The following LRRC2 variants were observed in gnomAD, a reference collection of about 807,000 sequenced individuals.
LRRC2 encodes leucine rich repeat containing 2.
In LRRC2, 27 loss-of-function variants were observed where a neutral mutation model predicts 40.2. That is an observed-to-expected ratio of 0.67 (90% CI 0.49 to 0.93). LRRC2 has a LOEUF of 0.93. Ranked by LOEUF, LRRC2 falls within the 40% of genes least tolerant of loss-of-function variation. The probability of loss-of-function intolerance (pLI) is 0.00; values close to 1 mark genes in which losing one functional copy is unlikely to be tolerated. For synonymous variants in LRRC2, 147 were observed against 158.9 expected (o/e 0.92, Z 0.56); for missense variants, 402 against 439.6 (o/e 0.91, Z 0.76).
In LRRC2 at chr3:46,529,961, C is replaced by T. The variant is rs771012336; in HGVS notation, c.717G>A (p.Leu239=). 8 of 1,614,150 alleles carry T rather than the reference C, an allele frequency of 5.0e-6. No individual in the cohort carries two copies. In the Admixed American group the frequency reaches 1.2e-4, roughly 24 times the overall value. The change falls in exon 6 of 9, where the codon TTG becomes TTA. Residue 239 remains leucine, a synonymous_variant. Coordinates refer to ENST00000395905, the MANE Select transcript of LRRC2 (RefSeq NM_024512.5). ...TATTGCTGCTGATATCCAACCACTG[C>T]AAATTCGACATCCGCAGGACACAGA... The part of the protein sequence containing the change: ...VPICVLRMSN[L]QWLDISSNNL...
intron 4 of LRRC2, among the ~76,000 whole-genome samples, chr3:46,536,372 T>A (rs1445296578): frequency 6.6e-6 from 1 of 152,236 alleles, no homozygotes; most frequent in Non-Finnish European, 1.5e-5. Context: ...AACAACTATG[T>A]ACCCAATATG....
In LRRC2 at chr3:46,527,391, C is replaced by G. The variant is rs774159024; in HGVS notation, c.929+35G>C. 5.0e-6 allele frequency: 8 copies of G among 1,612,020 alleles called. No individual in the cohort carries two copies. The East Asian group carries it at 1.8e-4, about 36-fold the overall frequency. ...GGTACTTCTCACTCCTTACCTGTGT[C>G]TGAGTGTGTCTACTGGGATTTCCGG... On this transcript the variant is annotated intron_variant, in intron 7 of 8. Coordinates refer to ENST00000395905, the MANE Select transcript of LRRC2 (RefSeq NM_024512.5).
At chr3:46,551,636 C>T (rs1337076241) in intron 1 of LRRC2, 26 bp from the exon 2 acceptor site, 9 of 1,532,616 alleles carry the variant, frequency 5.9e-6, no homozygotes, top group Non-Finnish European at 8.0e-6. Flanking sequence ...ATAGATATGT[C>T]AGCTTGATAC....
intron 1 of LRRC2, among the ~76,000 whole-genome samples, chr3:46,556,231 C>A (rs1704790299): frequency 6.6e-6 from 1 of 151,968 alleles, no homozygotes; most frequent in Non-Finnish European, 1.5e-5. Flanking sequence ...ACAATCCTCC[C>A]ATCTCAGCCT....
At chr3:46,532,422 T>A (rs572961349) in intron 5 of LRRC2, among the ~76,000 whole-genome samples, 101 of 152,274 alleles carry the variant, frequency 6.6e-4, no homozygotes, top group African/African-American at 2.4e-3. Flanking sequence ...CTGGCCAACA[T>A]AGTGAAACCC....
intron 1 of LRRC2, chr3:46,559,529 G>A (rs1233683200): frequency 1.3e-5 from 2 of 152,210 alleles, no homozygotes; most frequent in African/African-American, 4.8e-5. Context: ...GTTAGCCCTT[G>A]GCTAGTAGCC....
At chr3:46,561,841 G>T (rs1704951281) in intron 1 of LRRC2, among the ~76,000 whole-genome samples, 2 of 152,152 alleles carry the variant, frequency 1.3e-5, no homozygotes, top group South Asian at 4.1e-4. Flanking sequence ...TGAGAGCAGT[G>T]GGGGAGTAGA....
chr3:46,542,519 A>T (rs927552858), intron 3 of LRRC2, among the ~76,000 whole-genome samples: 1 of 142,022 alleles, frequency 7.0e-6, no homozygotes, highest in Non-Finnish European at 1.6e-5. Flanking sequence ...AAAGAAAAAA[A>T]AAGAAGAAAA....
chr3:46,544,968 A>T, intron 3 of LRRC2, 78 bp downstream of exon 3: 2 of 1,345,582 alleles, frequency 1.5e-6, no homozygotes, highest in South Asian at 2.4e-5. Flanking sequence ...AAAAGCATTC[A>T]TTCATTCATC....
At position 46,543,259 on chromosome 3, in the gene LRRC2, G is replaced by T. The variant is rs189069097; in HGVS notation, c.333+1787C>A. Among the ~76,000 whole-genome samples, 9 of 152,200 alleles carry T rather than the reference G, an allele frequency of 5.9e-5. No homozygotes were observed. In the East Asian group the frequency reaches 1.7e-3, roughly 29 times the overall value. Reference sequence around the variant, plus strand: ...GCCATCCACCTGGTTCACAATGGAGGTCTCTCCCAGCCTGCTGAATTCTAA... The same window carrying T: ...GCCATCCACCTGGTTCACAATGGAGTTCTCTCCCAGCCTGCTGAATTCTAA... On this transcript the variant is annotated intron_variant, in intron 3 of 8. Transcript: ENST00000395905.
At chr3:46,533,702 TTTCCTTCCTTCCTTCC>T (rs372699647) in intron 4 of LRRC2, among the ~76,000 whole-genome samples, 4 of 89,388 alleles carry the variant, frequency 4.5e-5, no homozygotes, top group Admixed American at 1.1e-4. Flanking sequence ...GTATTCACAG[TTTCCTTCCTTCCTTCC>T]TTCCTTCCTT....
chr3:46,556,212 T>C (rs554458961), intron 1 of LRRC2, among the ~76,000 whole-genome samples: 8 of 151,934 alleles, frequency 5.3e-5, no homozygotes, highest in African/African-American at 1.7e-4. Context: ...CTCAACCTCC[T>C]AGGCTCAAAC....
At chr3:46,526,477 A>T (rs1203667790) in intron 7 of LRRC2, among the ~76,000 whole-genome samples, 4 of 152,192 alleles carry the variant, frequency 2.6e-5, no homozygotes, top group African/African-American at 9.7e-5. Flanking sequence ...TATTCCACAC[A>T]CAGCCAAGCA....
intron 1 of LRRC2, among the ~76,000 whole-genome samples, chr3:46,557,162 C>T (rs1370478190): frequency 6.6e-6 from 1 of 152,142 alleles, no homozygotes; most frequent in Non-Finnish European, 1.5e-5. Context: ...ATGCCCTGCC[C>T]CGCCTTAACT....
At chr3:46,529,776 G>T in intron 6 of LRRC2, 129 bp downstream of exon 6, 1 of 995,004 alleles carries the variant, frequency 1.0e-6, no homozygotes, top group Non-Finnish European at 1.5e-6. Context: ...CTGATTTCCT[G>T]GAAAGGAAAC....
intron 1 of LRRC2, among the ~76,000 whole-genome samples, 194 bp downstream of exon 1, chr3:46,565,983 A>G (rs1463586718): frequency 6.6e-6 from 1 of 152,270 alleles, no homozygotes; most frequent in East Asian, 1.9e-4. Flanking sequence ...ATAACGGTGG[A>G]TGCCTAAGCC....
chr3:46,544,929 G>T, intron 3 of LRRC2, 117 bp downstream of exon 3: 1 of 980,732 alleles, frequency 1.0e-6, no homozygotes, highest in Non-Finnish European at 1.6e-6. Context: ...TTTCACTGAG[G>T]AAGGGACAGA....
At chr3:46,556,572 A>ATTT (rs1704801311) in intron 1 of LRRC2, among the ~76,000 whole-genome samples, 1 of 86,822 alleles carries the variant, frequency 1.2e-5, no homozygotes. Context: ...TTCAGTCATT[A>ATTT]TTTCTTTTTT....
chr3:46,537,128 T>G (rs1196833302), intron 4 of LRRC2, among the ~76,000 whole-genome samples: 1 of 152,066 alleles, frequency 6.6e-6, no homozygotes, highest in East Asian at 1.9e-4. Flanking sequence ...AAAAGGGTTG[T>G]TTGTTTGTTT....
Sources: allele counts gnomAD v4.1 joint callset (sites outside exome capture counted in the v4.1 genomes callset), GRCh38; gene constraint gnomAD v4.1.1; transcripts MANE v1.5; gene names NCBI Gene and HGNC (gene_info 2026-07-23, HGNC 2026-07-21).